The following ADAM9 variants were observed in gnomAD, a reference collection of about 807,000 sequenced individuals.
The protein encoded by ADAM9 is disintegrin and metalloproteinase domain-containing protein 9.
ADAM9 carries 54 observed loss-of-function variants against 108.1 expected under a neutral mutation model. The ratio of observed to expected loss-of-function variants is 0.50; its 90% CI spans 0.40 to 0.63. The LOEUF is 0.63. Ranked by LOEUF, ADAM9 falls within the 20% of genes least tolerant of loss-of-function variation. The probability of loss-of-function intolerance (pLI) is 0.00; values close to 1 mark genes in which losing one functional copy is unlikely to be tolerated. For missense variants in ADAM9, 830 were observed against 997.7 expected (o/e 0.83, Z 2.26); for synonymous variants, 316 against 336.0 (o/e 0.94, Z 0.65).
chr8:39,008,280 C>T (rs956236253), intron 2 of ADAM9, among the ~76,000 whole-genome samples: 32 of 152,022 alleles, frequency 2.1e-4, no homozygotes, highest in Admixed American at 2.1e-3. Flanking sequence ...AAGTGATTCT[C>T]CTGCCTCAGC....
intron 4 of ADAM9, chr8:39,015,423 A>G (rs1359147739): frequency 6.6e-6 from 1 of 152,232 alleles, no homozygotes; most frequent in Non-Finnish European, 1.5e-5. Context: ...ATAATACTTA[A>G]GTATCATAAG....
intron 18 of ADAM9, among the ~76,000 whole-genome samples, chr8:39,084,644 T>C (rs1484388273): frequency 6.6e-6 from 1 of 152,016 alleles, no homozygotes; most frequent in Admixed American, 6.6e-5. Context: ...AAAAGTTCTG[T>C]GTACACTTGA....
intron 11 of ADAM9, among the ~76,000 whole-genome samples, chr8:39,040,655 T>G (rs1837431820): frequency 6.6e-6 from 1 of 152,210 alleles, no homozygotes; most frequent in Non-Finnish European, 1.5e-5. Context: ...ATCTGCAGAC[T>G]TTTCATTTTG....
chr8:39,048,121 A>AT (rs1406889644), intron 12 of ADAM9, among the ~76,000 whole-genome samples: 1 of 152,002 alleles, frequency 6.6e-6, no homozygotes. Context: ...GGGTTTCGCC[A>AT]TGTTGGCCAG....
At chr8:39,080,171 T>G (rs894584909) in intron 16 of ADAM9, among the ~76,000 whole-genome samples, 3 of 104,794 alleles carry the variant, frequency 2.9e-5, no homozygotes. Flanking sequence ...CTATTCTGCT[T>G]GTTTACTTAA....
chr8:39,019,030 G>A, intron 7 of ADAM9, 112 bp downstream of exon 7: 1 of 1,098,324 alleles, frequency 9.1e-7, no homozygotes, highest in Admixed American at 2.0e-5. Context: ...CTTAAATAAT[G>A]ATTTTAAAAC....
intron 20 of ADAM9, 55 bp downstream of exon 20, chr8:39,091,401 TA>T (rs970557838): frequency 6.8e-7 from 1 of 1,479,308 alleles, no homozygotes; most frequent in African/African-American, 1.4e-5. Context: ...ATCAAATGCT[TA>T]AGGATTAAAA....
intron 21 of ADAM9, among the ~76,000 whole-genome samples, chr8:39,103,065 T>C (rs779826938): frequency 1.3e-5 from 2 of 152,192 alleles, no homozygotes; most frequent in Non-Finnish European, 2.9e-5. Context: ...CCAGGTAGTG[T>C]TCTAGTGTTA....
At chr8:38,997,796 C>G (rs949460103) in intron 1 of ADAM9, among the ~76,000 whole-genome samples, 4 of 152,188 alleles carry the variant, frequency 2.6e-5, no homozygotes, top group African/African-American at 9.7e-5. Context: ...CCAAACCATT[C>G]TTAAAAAATC....
rs182955246 is a variant in ADAM9 at position 39,002,754 on chromosome 8, A to C, written c.98-5132A>C. ...GGAGTTAGAGAAAGAAAGAAGTGCA[A>C]CTAACACCTTTTCCTTTCTTTAAGA... On this transcript the variant is annotated intron_variant, in intron 1 of 21. Coordinates refer to ENST00000487273, the MANE Select transcript of ADAM9 (RefSeq NM_003816.3). 2.0e-5 allele frequency among the ~76,000 whole-genome samples: 3 copies of C among 152,324 alleles called. No homozygotes were observed. The East Asian group carries it at 5.8e-4, about 29-fold the overall frequency.
chr8:39,016,282 G>C, intron 5 of ADAM9, 88 bp downstream of exon 5: 1 of 1,214,946 alleles, frequency 8.2e-7, no homozygotes, highest in Non-Finnish European at 1.2e-6. Context: ...AATCATTTTG[G>C]GCACTTAGCA....
chr8:39,002,231 G>A (rs1276463372), intron 1 of ADAM9, among the ~76,000 whole-genome samples: 2 of 151,080 alleles, frequency 1.3e-5, no homozygotes, highest in Non-Finnish European at 2.9e-5. Context: ...GTACTTAAAA[G>A]TGGCTGTTTG....
chr8:39,092,203 A>T (rs1484692127), intron 20 of ADAM9, among the ~76,000 whole-genome samples: 5 of 152,154 alleles, frequency 3.3e-5, no homozygotes, highest in Non-Finnish European at 7.4e-5. Context: ...TAATTTGCAC[A>T]TATATCTGCA....
At chr8:39,063,401 T>C (rs1037282685) in intron 14 of ADAM9, among the ~76,000 whole-genome samples, 6 of 152,208 alleles carry the variant, frequency 3.9e-5, no homozygotes, top group Non-Finnish European at 8.8e-5. Context: ...CCCTCAGATG[T>C]TGGAGACGCT....
chr8:39,078,193 T>G (rs538356161), intron 16 of ADAM9, among the ~76,000 whole-genome samples: 1 of 152,126 alleles, frequency 6.6e-6, no homozygotes, highest in South Asian at 2.1e-4. Context: ...TACAAGAAGA[T>G]CCATATATTT....
At chr8:39,064,887 T>A (rs1296807512) in intron 14 of ADAM9, among the ~76,000 whole-genome samples, 1 of 152,188 alleles carries the variant, frequency 6.6e-6, no homozygotes, top group African/African-American at 2.4e-5. Context: ...TTTACAGAGT[T>A]GCTGTTGGAA....
chr8:39,060,817 T>C (rs1006497164), intron 14 of ADAM9, among the ~76,000 whole-genome samples: 9 of 152,224 alleles, frequency 5.9e-5, no homozygotes, highest in African/African-American at 2.2e-4. Flanking sequence ...GTTGATATTC[T>C]TCCTAAGTAG....
intron 8 of ADAM9, 24 bp from the exon 9 acceptor site, chr8:39,023,132 A>T (rs769380189): frequency 6.3e-7 from 1 of 1,587,840 alleles, no homozygotes; most frequent in Non-Finnish European, 8.6e-7. Flanking sequence ...TATATTTTAT[A>T]TACTTTTATT....
At chr8:39,090,026 A>T (rs765454843) in intron 18 of ADAM9, 21 bp from the exon 19 acceptor site, 2 of 1,613,144 alleles carry the variant, frequency 1.2e-6, no homozygotes, top group East Asian at 2.2e-5. Context: ...GTGACTGTTG[A>T]TGTAAAATTC....
Sources: allele counts gnomAD v4.1 joint callset (sites outside exome capture counted in the v4.1 genomes callset), GRCh38; gene constraint gnomAD v4.1.1; transcripts MANE v1.5; gene names NCBI Gene and HGNC (gene_info 2026-07-23, HGNC 2026-07-21).